Variants in SLC12A6 observed in about 807,000 individuals in gnomAD.
The protein encoded by SLC12A6 is solute carrier family 12 member 6, also known as K-Cl cotransporter 3.
Under a neutral mutation model 135.3 loss-of-function variants are expected in SLC12A6, and 66 were observed. That is an observed-to-expected ratio of 0.49 (90% CI 0.40 to 0.60). The LOEUF (loss-of-function observed/expected upper bound fraction) is 0.60. Ranked by LOEUF, SLC12A6 falls within the 20% of genes least tolerant of loss-of-function variation. The pLI is 0.00. For missense variants in SLC12A6, 1,058 were observed against 1,452.3 expected (o/e 0.73, Z 4.41); for synonymous variants, 513 against 508.8 (o/e 1.01, Z -0.11).
intron 13 of SLC12A6, 111 bp downstream of exon 13, chr15:34,250,187 G>T: frequency 1.3e-6 from 1 of 792,060 alleles, no homozygotes; most frequent in Non-Finnish European, 2.3e-6. Context: ...TTACAGGCAT[G>T]AGCCACGGTG....
chr15:34,254,240 G>A, intron 9 of SLC12A6, 108 bp downstream of exon 9: 3 of 1,198,694 alleles, frequency 2.5e-6, no homozygotes, highest in Non-Finnish European at 3.7e-6. Flanking sequence ...ATCTGAGAGG[G>A]AAAATCTCAG....
rs1357166343 is a variant in SLC12A6 at position 34,239,779 on chromosome 15, G to A, written c.2437-619C>T. Among the ~76,000 whole-genome samples the A allele has an allele frequency of 1.1e-4, 7 of 62,506 alleles. No individual in the cohort carries two copies. The Admixed American group carries it at 1.2e-3, about 10-fold the overall frequency. The allele number at this position is 62,506 out of a possible 152,430, so 41.0% of individuals were successfully genotyped here. Reference sequence around the variant, plus strand: ...CCTGGGAATAATGGTATGGAAAATGGAATGATTTTTGCAAAGGCACAGATT... The same window carrying A: ...CCTGGGAATAATGGTATGGAAAATGAAATGATTTTTGCAAAGGCACAGATT... On this transcript the variant is annotated intron_variant, in intron 19 of 25. Coordinates refer to ENST00000354181, the MANE Select transcript of SLC12A6 (RefSeq NM_001365088.1).
chr15:34,242,031 C>T (rs556274344), intron 17 of SLC12A6, 71 bp downstream of exon 17: 2 of 1,155,188 alleles, frequency 1.7e-6, no homozygotes, highest in Admixed American at 1.7e-5. Flanking sequence ...GATATTTTCA[C>T]TGAGCTGGCT....
At chr15:34,288,654 T>C (rs1325704572) in intron 2 of SLC12A6, among the ~76,000 whole-genome samples, 1 of 152,248 alleles carries the variant, frequency 6.6e-6, no homozygotes, top group East Asian at 1.9e-4. Context: ...TCCCCTCTTA[T>C]TTCCTTGGGC....
intron 15 of SLC12A6, 112 bp from the exon 16 acceptor site, chr15:34,244,184 G>A (rs1891834951): frequency 1.4e-6 from 1 of 734,624 alleles, no homozygotes; most frequent in Non-Finnish European, 2.5e-6. Flanking sequence ...ACTAACCCTT[G>A]ATTAAGTAGG....
At chr15:34,288,455 T>C (rs1460345068) in intron 2 of SLC12A6, among the ~76,000 whole-genome samples, 2 of 152,256 alleles carry the variant, frequency 1.3e-5, no homozygotes, top group African/African-American at 4.8e-5. Flanking sequence ...AGGATTGCCT[T>C]GGCAATGCGG....
At chr15:34,335,049 AT>A (rs1890111148) in intron 2 of SLC12A6, among the ~76,000 whole-genome samples, 1 of 152,224 alleles carries the variant, frequency 6.6e-6, no homozygotes, top group Non-Finnish European at 1.5e-5. Flanking sequence ...TTTACCTGGA[AT>A]TTTTACAACC....
intron 25 of SLC12A6, among the ~76,000 whole-genome samples, chr15:34,234,903 T>C (rs1891152165): frequency 6.6e-6 from 1 of 152,218 alleles, no homozygotes; most frequent in Admixed American, 6.5e-5. Flanking sequence ...GTGGGTATGC[T>C]GTCTGTAGGA....
At chr15:34,327,209 T>A (rs1379384378) in intron 2 of SLC12A6, among the ~76,000 whole-genome samples, 1 of 152,104 alleles carries the variant, frequency 6.6e-6, no homozygotes, top group South Asian at 2.1e-4. Flanking sequence ...ACTGACCTCA[T>A]CTAATAGGGA....
chr15:34,236,964 C>A, intron 22 of SLC12A6, 149 bp from the exon 23 acceptor site: 1 of 672,352 alleles, frequency 1.5e-6, no homozygotes, highest in Non-Finnish European at 2.7e-6. Context: ...AGTCATTGAG[C>A]TACATAAATG....
At chr15:34,300,493 A>G (rs1016498942) in intron 2 of SLC12A6, among the ~76,000 whole-genome samples, 9 of 152,124 alleles carry the variant, frequency 5.9e-5, no homozygotes, top group African/African-American at 2.2e-4. Context: ...CACAGCTGCC[A>G]GGATTAAGAA....
intron 2 of SLC12A6, among the ~76,000 whole-genome samples, chr15:34,302,955 C>T (rs1388727135): frequency 3.4e-5 from 3 of 89,408 alleles, no homozygotes; most frequent in South Asian, 3.4e-4. Context: ...GAGACCCTGT[C>T]TCAAAAAAAA....
intron 2 of SLC12A6, among the ~76,000 whole-genome samples, chr15:34,327,596 T>G (rs563694039): frequency 2.0e-5 from 3 of 151,654 alleles, no homozygotes; most frequent in Non-Finnish European, 4.4e-5. Flanking sequence ...AGGCGGAGGC[T>G]GCAGTGAGCC....
rs1257907261 is a variant in SLC12A6, at chr15:34,337,449, G to A, written c.-190C>T. 1.3e-5 allele frequency: 2 copies of A among 153,308 alleles called. No homozygotes were observed. The highest frequency in any genetic ancestry group is 2.9e-5 in the Non-Finnish European group (2 of 68,798). The allele number at this position is 153,308 out of a possible 1,614,324, so 9.5% of individuals were successfully genotyped here. On this transcript the variant is annotated 5_prime_UTR_variant, in exon 1 of 26. Transcript: ENST00000354181. ...CCTAGCAGAAAGGTCCTCGGGGTCT[G>A]GGAGGAGGTTAGCGGATCAAGACAC...
At position 34,229,791 on chromosome 15, in the gene SLC12A6, A is replaced by G. The variant is rs1890795371; in HGVS notation, c.*4090T>C. 6.2e-7 allele frequency: 1 copy of G among 1,610,828 alleles called. No individual in the cohort carries two copies. On this transcript the variant is annotated 3_prime_UTR_variant, in exon 26 of 26. Transcript: ENST00000354181. ...GTGGTGGAGGACTGCTTTTGTGAAC[A>G]TGAGAAAGCAGCGCCTGGTCCCTAT...
chr15:34,332,769 C>T (rs137971873), intron 2 of SLC12A6, among the ~76,000 whole-genome samples: 4,147 of 148,028 alleles, frequency 0.028, 196 homozygotes, highest in African/African-American at 0.098. Flanking sequence ...GGCGACAGCG[C>T]GAGACTTTGC....
chr15:34,330,218 C>T (rs1595585128), intron 2 of SLC12A6, among the ~76,000 whole-genome samples: 2 of 152,252 alleles, frequency 1.3e-5, no homozygotes, highest in Admixed American at 1.3e-4. Context: ...CTCTTCCCAT[C>T]ACTCCTCCTC....
intron 2 of SLC12A6, among the ~76,000 whole-genome samples, chr15:34,309,542 G>C (rs890027523): frequency 1.3e-5 from 2 of 152,122 alleles, no homozygotes; most frequent in Non-Finnish European, 2.9e-5. Context: ...CTAAAAAGCC[G>C]ATGATAACAG....
intron 2 of SLC12A6, among the ~76,000 whole-genome samples, chr15:34,308,558 G>A (rs1287077044): frequency 6.7e-6 from 1 of 150,146 alleles, no homozygotes; most frequent in African/African-American, 2.5e-5. Context: ...CTGGGAGGCG[G>A]AGGTTGCAGT....
Sources: gnomAD v4.1 joint callset for allele counts (sites outside exome capture counted in the v4.1 genomes callset) on GRCh38, gnomAD v4.1.1 for gene constraint, MANE v1.5 for transcripts, NCBI Gene and HGNC (gene_info 2026-07-23, HGNC 2026-07-21) for gene names.